The following MYO9A variants were observed in gnomAD, a reference collection of about 807,000 sequenced individuals.
The protein encoded by MYO9A is unconventional myosin-IXa.
In MYO9A, 103 loss-of-function variants were observed where a neutral mutation model predicts 293.3. That is an observed-to-expected ratio of 0.35 (90% CI 0.30 to 0.41). The LOEUF is 0.41. Ranked by LOEUF, MYO9A falls within the 10% of genes least tolerant of loss-of-function variation. The probability of loss-of-function intolerance (pLI) is 1.00; values close to 1 mark genes in which losing one functional copy is unlikely to be tolerated. For missense variants in MYO9A, 2,685 were observed against 3,033.0 expected (o/e 0.89, Z 2.69); for synonymous variants, 1,001 against 1,035.7 (o/e 0.97, Z 0.64).
chr15:72,082,507 C>T (rs1012873505), intron 1 of MYO9A, among the ~76,000 whole-genome samples: 3 of 152,140 alleles, frequency 2.0e-5, no homozygotes, highest in African/African-American at 7.2e-5. Context: ...GTTTGACTTC[C>T]TCTCTTCCTA....
rs2076273051 is a variant in MYO9A, at chr15:71,981,601, T to A, written c.1723-3309A>T. On this transcript the variant is annotated intron_variant, in intron 11 of 41. Coordinates refer to ENST00000356056, the MANE Select transcript of MYO9A (RefSeq NM_006901.4). ...GTAGGATCCAGAGTAATACCCTCTA[T>A]CACTGGGATTTTGGTTATTTATATC... is the stretch of plus-strand genomic sequence containing the variant. 1.3e-5 allele frequency among the ~76,000 whole-genome samples: 2 copies of A among 152,044 alleles called. 1 individual carries two copies. The highest frequency in any genetic ancestry group is 4.1e-4 in the South Asian group (2 of 4,824).
chr15:71,957,684 T>C (rs2059236252), intron 14 of MYO9A, among the ~76,000 whole-genome samples: 1 of 152,108 alleles, frequency 6.6e-6, no homozygotes, highest in Non-Finnish European at 1.5e-5. Context: ...ACATAGTCTA[T>C]TGAGTGGGAT....
At chr15:71,976,227 C>T (rs1365200371) in intron 12 of MYO9A, among the ~76,000 whole-genome samples, 2 of 152,120 alleles carry the variant, frequency 1.3e-5, no homozygotes, top group African/African-American at 4.8e-5. Flanking sequence ...AAAAACCCCA[C>T]ACATTTGGTC....
chr15:72,081,389 T>C (rs769094945), intron 1 of MYO9A, among the ~76,000 whole-genome samples: 1 of 152,232 alleles, frequency 6.6e-6, no homozygotes, highest in Non-Finnish European at 1.5e-5. Flanking sequence ...GTTCATGTCC[T>C]TTACCCACTT....
intron 1 of MYO9A, among the ~76,000 whole-genome samples, chr15:72,072,086 AAAAG>A (rs2079209936): frequency 6.6e-6 from 1 of 150,602 alleles, no homozygotes; most frequent in Non-Finnish European, 1.5e-5. Context: ...AAAAAAAAAA[AAAAG>A]TATATATAAT....
chr15:71,947,787 C>G (rs191024248), intron 15 of MYO9A, among the ~76,000 whole-genome samples: 1 of 152,114 alleles, frequency 6.6e-6, no homozygotes, highest in Non-Finnish European at 1.5e-5. Context: ...TGCTGATGCA[C>G]ATCATATTCT....
At chr15:72,037,274 A>C (rs1307124422) in intron 2 of MYO9A, among the ~76,000 whole-genome samples, 1 of 151,740 alleles carries the variant, frequency 6.6e-6, no homozygotes, top group African/African-American at 2.4e-5. Flanking sequence ...AAAAAAAAAA[A>C]AAAAAAAACA....
chr15:72,009,062 C>G (rs914695737), intron 7 of MYO9A, among the ~76,000 whole-genome samples: 2 of 150,280 alleles, frequency 1.3e-5, no homozygotes, highest in African/African-American at 5.0e-5. Flanking sequence ...ACGTGACTCA[C>G]AGGAAATACA....
chr15:71,990,005 G>A (rs1203450524), intron 11 of MYO9A, among the ~76,000 whole-genome samples: 2 of 151,826 alleles, frequency 1.3e-5, no homozygotes, highest in South Asian at 2.1e-4. Flanking sequence ...CAGCTTGGGC[G>A]ACAGAGCAAG....
intron 23 of MYO9A, 75 bp downstream of exon 23, chr15:71,901,116 G>C: frequency 6.8e-7 from 1 of 1,462,608 alleles, no homozygotes; most frequent in Non-Finnish European, 9.1e-7. Flanking sequence ...ATGTTTTACA[G>C]TAAAAAGGTT....
At chr15:72,041,443 C>T in intron 2 of MYO9A, 1 of 341,172 alleles carries the variant, frequency 2.9e-6, no homozygotes, top group South Asian at 2.4e-5. Flanking sequence ...CAAATATCTT[C>T]TTCTTCTTTT....
Position 72,042,799 on chromosome 15 carries a change from T to C in MYO9A, c.840+2925A>G, listed in dbSNP as rs111998067. On this transcript the variant is annotated intron_variant, in intron 2 of 41. Coordinates refer to ENST00000356056, the MANE Select transcript of MYO9A (RefSeq NM_006901.4). ...AGGGGTGGGCAGGTGTGGTGACTCA[T>C]GCCTGTTATCCCAGCACTTTAGGAG... is the stretch of plus-strand genomic sequence containing the variant. Among the ~76,000 whole-genome samples, 1,359 of 152,160 alleles carry C rather than the reference T, an allele frequency of 8.9e-3. 25 individuals are homozygous for C. Among genetic ancestry groups the C allele is most frequent in the African/African-American group, 0.031 (1,298 of 41,514 alleles).
intron 14 of MYO9A, among the ~76,000 whole-genome samples, chr15:71,956,330 A>AAAAAAT (rs10642655): frequency 1.3e-5 from 1 of 75,584 alleles, no homozygotes. Context: ...AAAAAAAAAA[A>AAAAAAT]ATATATATAT....
Position 71,854,541 on chromosome 15 carries a change from A to T in MYO9A, c.6182T>A (p.Phe2061Tyr). ...KYDPELSSRQ[F>Y]GVELSRLTSE... ...GGTCAAACGGGACAGTTCAACCCCA[A>T]ATTGTCGAGATGACAGCTCTGGATC... is the stretch of plus-strand genomic sequence containing the variant. The change falls in exon 35 of 42, where the codon TTT becomes TAT. Residue 2061 changes from phenylalanine to tyrosine, a missense_variant. Physicochemically the swap from Phe to Tyr is conservative, Grantham distance 22. Around this residue, in one of 10 missense-constraint regions of MYO9A, gnomAD observed 238 missense variants for 269.1 expected, o/e 0.88. Coordinates refer to ENST00000356056, the MANE Select transcript of MYO9A (RefSeq NM_006901.4). 6.2e-7 allele frequency: 1 copy of T among 1,604,414 alleles called. No individual in the cohort carries two copies. The highest frequency in any genetic ancestry group is 8.5e-7 in the Non-Finnish European group (1 of 1,176,654).
At chr15:72,074,635 T>C (rs942672435) in intron 1 of MYO9A, among the ~76,000 whole-genome samples, 2 of 152,204 alleles carry the variant, frequency 1.3e-5, no homozygotes, top group African/African-American at 4.8e-5. Context: ...TAATAGAGTA[T>C]ACATCAATGT....
chr15:71,919,049 G>T lies in MYO9A; in HGVS notation c.2563-2557C>A, dbSNP rs182281456. 1.3e-3 allele frequency among the ~76,000 whole-genome samples: 199 copies of T among 152,274 alleles called. 3 individuals are homozygous for T. Among genetic ancestry groups the T allele is most frequent in the Admixed American group, 0.01 (157 of 15,296 alleles). ...TACTGAAAAAATAGCCCACTTCTAT[G>T]TCAATTACATGTCACTTAATTTTCA... On this transcript the variant is annotated intron_variant, in intron 18 of 41. Transcript: ENST00000356056.
At chr15:72,067,395 C>T (rs912751436) in intron 1 of MYO9A, among the ~76,000 whole-genome samples, 4 of 151,916 alleles carry the variant, frequency 2.6e-5, no homozygotes, top group Non-Finnish European at 5.9e-5. Context: ...CTGTAACCTC[C>T]GCCTCAGCCT....
intron 1 of MYO9A, among the ~76,000 whole-genome samples, chr15:72,094,260 G>C (rs112437820): frequency 0.045 from 3,893 of 85,930 alleles, 1,583 homozygotes; most frequent in Non-Finnish European, 0.1. Context: ...AAGAGGAGGA[G>C]GAGGAGGAGG....
intron 1 of MYO9A, among the ~76,000 whole-genome samples, chr15:72,105,010 A>T (rs553369335): frequency 3.3e-5 from 5 of 152,156 alleles, no homozygotes; most frequent in Non-Finnish European, 5.9e-5. Context: ...ACAGTGAAAT[A>T]AAGCAGGAAA....
Sources: gnomAD v4.1 joint callset for allele counts (sites outside exome capture counted in the v4.1 genomes callset) on GRCh38, gnomAD v4.1.1 for gene constraint, gnomAD v4.1.1 regional missense constraint, MANE v1.5 for transcripts, NCBI Gene and HGNC (gene_info 2026-07-23, HGNC 2026-07-21) for gene names.